Variants in MAST4 observed in about 807,000 individuals in gnomAD.
MAST4 encodes the protein microtubule associated serine/threonine kinase family member 4.
In MAST4, 89 loss-of-function variants were observed where a neutral mutation model predicts 162.7. The ratio of observed to expected loss-of-function variants is 0.55; its 90% CI spans 0.46 to 0.65. The LOEUF is 0.65. Among genes scored for constraint, MAST4 ranks in the 30% least tolerant of loss-of-function variants. The pLI is 0.00. For missense variants in MAST4, 3,153 were observed against 3,374.0 expected (o/e 0.93, Z 1.62); for synonymous variants, 1,479 against 1,361.1 (o/e 1.09, Z -1.91).
At chr5:66,925,612 C>A (rs1366172265) in intron 4 of MAST4, among the ~76,000 whole-genome samples, 1 of 152,080 alleles carries the variant, frequency 6.6e-6, no homozygotes, top group Non-Finnish European at 1.5e-5. Flanking sequence ...GGAAGATTTC[C>A]CAGAGTTCCT....
chr5:66,637,294 C>T (rs1013629721), intron 1 of MAST4, among the ~76,000 whole-genome samples: 2 of 150,200 alleles, frequency 1.3e-5, no homozygotes, highest in Non-Finnish European at 3.0e-5. Context: ...TATACTTTCA[C>T]ATAAGTATTC....
At chr5:66,855,484 G>A (rs540637449) in intron 3 of MAST4, among the ~76,000 whole-genome samples, 9 of 152,308 alleles carry the variant, frequency 5.9e-5, no homozygotes, top group African/African-American at 2.2e-4. Flanking sequence ...TGGACTAGGT[G>A]GTGTTTGCTC....
intron 4 of MAST4, among the ~76,000 whole-genome samples, chr5:66,916,642 A>C (rs562591957): frequency 6.6e-6 from 1 of 152,086 alleles, no homozygotes; most frequent in Non-Finnish European, 1.5e-5. Flanking sequence ...TCCATTCTTC[A>C]CTTCATATGC....
chr5:66,643,725 CA>C (rs1363773343), intron 1 of MAST4, among the ~76,000 whole-genome samples: 1 of 151,896 alleles, frequency 6.6e-6, no homozygotes, highest in Non-Finnish European at 1.5e-5. Flanking sequence ...CCTCTTGGTT[CA>C]ATCTACCTCT....
chr5:66,812,662 G>A (rs748069963), intron 3 of MAST4, among the ~76,000 whole-genome samples: 6 of 152,214 alleles, frequency 3.9e-5, no homozygotes, highest in Non-Finnish European at 8.8e-5. Context: ...GAGGGTGAAT[G>A]TGTGGATTTT....
chr5:66,788,846 G>C, intron 3 of MAST4, 52 bp downstream of exon 3: 1 of 1,487,108 alleles, frequency 6.7e-7, no homozygotes, highest in South Asian at 1.4e-5. Context: ...CACCTCTCTA[G>C]GGACAATTTA....
chr5:67,133,422 A>G, intron 16 of MAST4, 92 bp from the exon 17 acceptor site: 14 of 1,378,190 alleles, frequency 1.0e-5, no homozygotes, highest in Non-Finnish European at 1.4e-5. Flanking sequence ...TATATTAAAT[A>G]GTCTTAGAAA....
At chr5:66,770,103 A>G (rs1484701376) in intron 2 of MAST4, among the ~76,000 whole-genome samples, 1 of 152,208 alleles carries the variant, frequency 6.6e-6, no homozygotes. Context: ...GAATGTCTCT[A>G]CATATTTTTC....
Position 67,160,482 on chromosome 5 carries a change from T to C in MAST4, c.3675T>C (p.Thr1225=), listed in dbSNP as rs545306894. The C allele has an allele frequency of 1.1e-5, 17 of 1,613,854 alleles. No individual in the cohort carries two copies. In the African/African-American group the frequency reaches 2.1e-4, roughly 20 times the overall value. ...GTGGGAATAAGGTGTCAATCACTAC[T>C]ACCCCATTTGAAAACACATCAATCA... ...LKSGNKVSIT[T]TPFENTSIKT... Residue 1225 remains threonine (T), a synonymous_variant, in exon 27 of 29, where the codon ACT becomes ACC. Transcript: ENST00000403625.
At chr5:66,640,553 C>T (rs1476576141) in intron 1 of MAST4, among the ~76,000 whole-genome samples, 1 of 152,200 alleles carries the variant, frequency 6.6e-6, no homozygotes, top group Non-Finnish European at 1.5e-5. Context: ...TGTGATCCGC[C>T]TGCCTCGGCC....
At chr5:66,870,421 C>A (rs1481835668) in intron 3 of MAST4, among the ~76,000 whole-genome samples, 1 of 152,072 alleles carries the variant, frequency 6.6e-6, no homozygotes, top group Non-Finnish European at 1.5e-5. Context: ...GGAAGATGGA[C>A]TTCATATTCA....
At chr5:66,860,756 T>TA (rs1580686184) in intron 3 of MAST4, among the ~76,000 whole-genome samples, 1 of 114,738 alleles carries the variant, frequency 8.7e-6, no homozygotes, top group East Asian at 2.3e-4. Flanking sequence ...GCCGCGAACT[T>TA]AAAAAAACAA....
At chr5:66,748,077 A>G (rs1303028569) in intron 1 of MAST4, among the ~76,000 whole-genome samples, 1 of 152,170 alleles carries the variant, frequency 6.6e-6, no homozygotes. Flanking sequence ...TGAAGTAGAG[A>G]AACATGACTA....
intron 1 of MAST4, among the ~76,000 whole-genome samples, chr5:66,630,436 C>T (rs72759187): frequency 0.027 from 4,045 of 152,068 alleles, 74 homozygotes; most frequent in Non-Finnish European, 0.043. Flanking sequence ...GGGGAGGTGA[C>T]TTGGGTAGTA....
At chr5:67,139,020 G>T (rs1373060996) in intron 19 of MAST4, among the ~76,000 whole-genome samples, 1 of 152,148 alleles carries the variant, frequency 6.6e-6, no homozygotes, top group Middle Eastern at 3.2e-3. Flanking sequence ...CTTGTTGATT[G>T]CTACTTTCAG....
intron 4 of MAST4, among the ~76,000 whole-genome samples, chr5:67,013,606 T>C (rs899450800): frequency 9.2e-5 from 14 of 152,232 alleles, no homozygotes; most frequent in Admixed American, 2.0e-4. Context: ...ATGTAGTCAT[T>C]GACAAATTTC....
intron 4 of MAST4, among the ~76,000 whole-genome samples, chr5:66,910,913 A>T (rs577504053): frequency 5.9e-5 from 9 of 152,052 alleles, no homozygotes; most frequent in Middle Eastern, 3.4e-3. Flanking sequence ...ATGCTCAGCT[A>T]ATGTTTGTAT....
chr5:66,836,435 C>T (rs1425173367), intron 3 of MAST4, among the ~76,000 whole-genome samples: 1 of 152,064 alleles, frequency 6.6e-6, no homozygotes, highest in Non-Finnish European at 1.5e-5. Context: ...CCAGCAATTC[C>T]ATTATTTGGG....
At chr5:66,674,264 G>A (rs1213912108) in intron 1 of MAST4, among the ~76,000 whole-genome samples, 1 of 152,136 alleles carries the variant, frequency 6.6e-6, no homozygotes, top group Non-Finnish European at 1.5e-5. Context: ...GGAGGAAAAA[G>A]GTAGTAAGGC....
Sources: allele counts gnomAD v4.1 joint callset (sites outside exome capture counted in the v4.1 genomes callset), GRCh38; gene constraint gnomAD v4.1.1; transcripts MANE v1.5; gene names NCBI Gene and HGNC (gene_info 2026-07-23, HGNC 2026-07-21).